Variants in CBL observed in about 807,000 individuals in gnomAD.
CBL encodes E3 ubiquitin-protein ligase CBL.
In CBL, 45 loss-of-function variants were observed where a neutral mutation model predicts 96.9. That is an observed-to-expected ratio of 0.46 (90% CI 0.37 to 0.60). The LOEUF is 0.60. CBL is among the 20% of genes least tolerant of loss of function. The pLI, the probability that CBL is intolerant of heterozygous loss-of-function variation, is 0.00. For synonymous variants in CBL, 420 were observed against 426.8 expected (o/e 0.98, Z 0.20); for missense variants, 1,024 against 1,143.5 (o/e 0.90, Z 1.51).
In CBL at chr11:119,243,666, A is replaced by G. The variant is rs1224616177; in HGVS notation, c.443+10971A>G. On this transcript the variant is annotated intron_variant, in intron 2 of 15. Transcript: ENST00000264033. ...TAGAAAGAATGATACCAAAATAACA[A>G]CGGTAAGTATTAGAATTACAGGTGG... Among the ~76,000 whole-genome samples, 3 of 152,076 alleles carry G rather than the reference A, an allele frequency of 2.0e-5. No homozygotes were observed. In the South Asian group the frequency reaches 6.2e-4, roughly 31 times the overall value.
chr11:119,272,982 T>TTA lies in CBL; in HGVS notation c.591-885_591-884insAT, dbSNP rs201368223. Among the ~76,000 whole-genome samples the TTA allele has an allele frequency of 1.8e-4, 24 of 131,396 alleles. 1 individual carries two copies. The South Asian group carries it at 4.0e-3, about 22-fold the overall frequency. 86.2% of individuals were successfully genotyped at this position (131,396 alleles called of 152,430 possible). ...AATATCCTAGGTTTTGTCGTTTTAT[T>TTA]TTTTTTTTTTTTTGAGACAGGATGT... On this transcript the variant is annotated intron_variant, in intron 3 of 15. Transcript: ENST00000264033.
intron 2 of CBL, among the ~76,000 whole-genome samples, chr11:119,270,436 A>ATATATTT (rs1565870008): frequency 7.8e-5 from 3 of 38,662 alleles, no homozygotes; most frequent in Non-Finnish European, 8.7e-5. Context: ...ATATATATAT[A>ATATATTT]TTTTTTTTTT....
intron 2 of CBL, among the ~76,000 whole-genome samples, chr11:119,244,554 A>AC (rs1386915542): frequency 1.3e-5 from 2 of 148,818 alleles, no homozygotes; most frequent in Non-Finnish European, 3.0e-5. Flanking sequence ...AGTAGCTGGA[A>AC]CAGGTGCATG....
intron 1 of CBL, among the ~76,000 whole-genome samples, chr11:119,209,388 T>C (rs1949299420): frequency 6.6e-6 from 1 of 152,084 alleles, no homozygotes; most frequent in African/African-American, 2.4e-5. Context: ...GAGGCCGAGG[T>C]GGGCGGCTCA....
chr11:119,225,808 A>G (rs1432830870), intron 1 of CBL, among the ~76,000 whole-genome samples: 1 of 141,556 alleles, frequency 7.1e-6, no homozygotes, highest in Non-Finnish European at 1.5e-5. Context: ...GCTCGCTGCA[A>G]CCTCCGCCTC....
chr11:119,249,216 G>A (rs1031467642), intron 2 of CBL, among the ~76,000 whole-genome samples: 4 of 152,160 alleles, frequency 2.6e-5, no homozygotes, highest in African/African-American at 7.2e-5. Flanking sequence ...AGTGGGTGAA[G>A]CAAATGTGTT....
chr11:119,278,752 G>T, intron 9 of CBL, 39 bp downstream of exon 9: 1 of 1,529,398 alleles, frequency 6.5e-7, no homozygotes, highest in South Asian at 1.1e-5. Context: ...AATCCATTGT[G>T]AGTTGTCTTC....
rs1331424765 is a variant in CBL at position 119,270,446 on chromosome 11, T to A, written c.444-1289T>A. Among the ~76,000 whole-genome samples, 480 of 51,918 alleles carry A rather than the reference T, an allele frequency of 9.2e-3. 4 individuals are homozygous for A. The South Asian group carries it at 0.15, about 16-fold the overall frequency. The allele number at this position is 51,918 out of a possible 152,430, so 34.1% of individuals were successfully genotyped here. ...TATATATATATATATATTTTTTTTT[T>A]TTTTTTTTTTTTTTTTTTGAGACGG... is the stretch of plus-strand genomic sequence containing the variant. On this transcript the variant is annotated intron_variant, in intron 2 of 15. Transcript: ENST00000264033.
chr11:119,246,247 A>C (rs984939427), intron 2 of CBL, among the ~76,000 whole-genome samples: 5 of 151,850 alleles, frequency 3.3e-5, no homozygotes, highest in African/African-American at 1.2e-4. Flanking sequence ...TGCTGGGATT[A>C]CAGGTGCGAA....
intron 1 of CBL, among the ~76,000 whole-genome samples, chr11:119,217,277 G>T (rs961493853): frequency 6.6e-6 from 1 of 152,052 alleles, no homozygotes; most frequent in East Asian, 1.9e-4. Flanking sequence ...CCACAGGCCC[G>T]GCTAATTTTG....
chr11:119,242,314 G>T (rs1056118745), intron 2 of CBL, among the ~76,000 whole-genome samples: 1 of 151,848 alleles, frequency 6.6e-6, no homozygotes, highest in Non-Finnish European at 1.5e-5. Context: ...AGGCCAAGGC[G>T]TTGGATCACC....
At chr11:119,240,311 A>G (rs1328627746) in intron 2 of CBL, among the ~76,000 whole-genome samples, 1 of 151,618 alleles carries the variant, frequency 6.6e-6, no homozygotes, top group Non-Finnish European at 1.5e-5. Flanking sequence ...AAAAAAAAAG[A>G]AAAAAAAGAA....
At chr11:119,219,781 T>G (rs994662177) in intron 1 of CBL, among the ~76,000 whole-genome samples, 3 of 151,862 alleles carry the variant, frequency 2.0e-5, no homozygotes, top group Admixed American at 6.6e-5. Flanking sequence ...CCTCCTGGGT[T>G]CAAGTGATTC....
intron 2 of CBL, among the ~76,000 whole-genome samples, chr11:119,266,028 A>AAAGAAAAAAG (rs1949800814): frequency 6.6e-6 from 1 of 150,670 alleles, no homozygotes; most frequent in South Asian, 2.1e-4. Context: ...CAAAAAAAAA[A>AAAGAAAAAAG]AAAAAAAGAA....
At chr11:119,254,576 G>A (rs1257468796) in intron 2 of CBL, among the ~76,000 whole-genome samples, 1 of 151,916 alleles carries the variant, frequency 6.6e-6, no homozygotes, top group Non-Finnish European at 1.5e-5. Context: ...AAAAGGTGCA[G>A]TAAAAATGTG....
Position 119,304,913 on chromosome 11 carries a change from C to T in CBL, c.*5132C>T. The T allele has an allele frequency of 5.2e-6, 1 of 193,980 alleles. No individual in the cohort carries two copies. 12.0% of individuals were successfully genotyped at this position (193,980 alleles called of 1,614,324 possible). ...GTGCTAAGATTACAGGCGTGAGCCA[C>T]CGCGCCCGGCCCATACTTCGTATTC... On this transcript the variant is annotated 3_prime_UTR_variant, in exon 16 of 16. Transcript: ENST00000264033.
intron 2 of CBL, among the ~76,000 whole-genome samples, chr11:119,270,712 C>T (rs1203442566): frequency 1.3e-5 from 2 of 151,866 alleles, no homozygotes; most frequent in Non-Finnish European, 2.9e-5. Context: ...TCCCAAAGTG[C>T]TGGGATTACA....
chr11:119,233,235 T>C (rs920859090), intron 2 of CBL, among the ~76,000 whole-genome samples: 2 of 152,138 alleles, frequency 1.3e-5, no homozygotes, highest in Non-Finnish European at 2.9e-5. Context: ...GATCACTATG[T>C]ATTCTTTTAT....
intron 9 of CBL, among the ~76,000 whole-genome samples, chr11:119,282,492 A>G (rs1227606775): frequency 6.6e-6 from 1 of 152,216 alleles, no homozygotes; most frequent in Non-Finnish European, 1.5e-5. Context: ...GATTTAAAGA[A>G]TGATACGGAA....
Sources: allele counts gnomAD v4.1 joint callset (sites outside exome capture counted in the v4.1 genomes callset), GRCh38; gene constraint gnomAD v4.1.1; transcripts MANE v1.5; gene names NCBI Gene and HGNC (gene_info 2026-07-23, HGNC 2026-07-21).